INSYN2B: variants seen among roughly 807,000 people sequenced by gnomAD.
INSYN2B encodes the protein protein INSYN2B.
In INSYN2B, 16 loss-of-function variants were observed where a neutral mutation model predicts 41.2. That is an observed-to-expected ratio of 0.39 (90% CI 0.26 to 0.59). INSYN2B has a LOEUF of 0.59. Among genes scored for constraint, INSYN2B ranks in the 20% least tolerant of loss-of-function variants. The pLI is 0.57. For synonymous variants in INSYN2B, 245 were observed against 244.4 expected (o/e 1.00, Z -0.02); for missense variants, 608 against 646.4 (o/e 0.94, Z 0.64).
intron 1 of INSYN2B, among the ~76,000 whole-genome samples, chr5:169,969,350 CA>C (rs1339803307): frequency 6.6e-6 from 1 of 151,984 alleles, no homozygotes; most frequent in Non-Finnish European, 1.5e-5. Flanking sequence ...GAGGCTGAGG[CA>C]GGAGATTCAC....
In INSYN2B at chr5:169,903,075, C is replaced by T. The variant is rs1448535310; in HGVS notation, c.-918-18259G>A. Reference sequence around the variant, plus strand: ...ATCACGCCACTGTACTCCAGCCTGGCGACAGAGCAAGACTCCATCTCAAAA... The same window carrying T: ...ATCACGCCACTGTACTCCAGCCTGGTGACAGAGCAAGACTCCATCTCAAAA... On this transcript the variant is annotated intron_variant, in intron 1 of 3. Coordinates refer to ENST00000377365, the MANE Select transcript of INSYN2B (RefSeq NM_001129891.3). 4.0e-5 allele frequency among the ~76,000 whole-genome samples: 6 copies of T among 150,334 alleles called. No individual in the cohort carries two copies. The East Asian group carries it at 9.8e-4, about 25-fold the overall frequency.
chr5:169,885,410 G>C (rs191360529), intron 1 of INSYN2B, among the ~76,000 whole-genome samples: 16 of 152,278 alleles, frequency 1.1e-4, no homozygotes, highest in Non-Finnish European at 2.9e-5. Flanking sequence ...GAGAGCCTGG[G>C]CATGAAGAGG....
chr5:169,865,928 CTGCAAAGGCATGTTGCCGTTGCCA>C (rs1255162560), intron 3 of INSYN2B, among the ~76,000 whole-genome samples: 1 of 152,260 alleles, frequency 6.6e-6, no homozygotes, highest in Non-Finnish European at 1.5e-5. Flanking sequence ...GTTCATGCTG[CTGCAAAGGCATGTTGCCGTTGCCA>C]TGCATGACGA....
At chr5:169,903,854 C>T (rs1774108093) in intron 1 of INSYN2B, among the ~76,000 whole-genome samples, 1 of 151,930 alleles carries the variant, frequency 6.6e-6, no homozygotes. Context: ...AATCCCAGCA[C>T]TTTGGGAGGC....
At chr5:169,927,638 A>G (rs1218348576) in intron 1 of INSYN2B, among the ~76,000 whole-genome samples, 2 of 152,208 alleles carry the variant, frequency 1.3e-5, no homozygotes, top group Admixed American at 6.5e-5. Context: ...GTTTTTTGAG[A>G]CGGAGTCTCG....
intron 3 of INSYN2B, among the ~76,000 whole-genome samples, chr5:169,867,338 CA>C (rs904603405): frequency 6.6e-6 from 1 of 152,094 alleles, no homozygotes; most frequent in African/African-American, 2.4e-5. Context: ...CTAACTCACC[CA>C]ACGTGATAAC....
intron 1 of INSYN2B, among the ~76,000 whole-genome samples, chr5:169,891,893 G>T (rs1224257268): frequency 1.3e-5 from 2 of 151,572 alleles, no homozygotes; most frequent in Non-Finnish European, 2.9e-5. Flanking sequence ...TACTTGGCAG[G>T]CTGAGGCAAA....
At chr5:169,886,882 A>T (rs1042961897) in intron 1 of INSYN2B, among the ~76,000 whole-genome samples, 1 of 152,206 alleles carries the variant, frequency 6.6e-6, no homozygotes, top group African/African-American at 2.4e-5. Context: ...CATAAGAGCT[A>T]ATGTCTAGTG....
intron 1 of INSYN2B, among the ~76,000 whole-genome samples, chr5:169,906,819 T>C (rs1034689866): frequency 7.9e-5 from 12 of 152,290 alleles, no homozygotes; most frequent in African/African-American, 2.2e-4. Context: ...GGAAAGTCTA[T>C]AGGGAAATTA....
At chr5:169,890,109 G>C (rs1773197915) in intron 1 of INSYN2B, among the ~76,000 whole-genome samples, 1 of 152,262 alleles carries the variant, frequency 6.6e-6, no homozygotes, top group South Asian at 2.1e-4. Flanking sequence ...CTAAGTCACA[G>C]AGGTAGACTG....
chr5:169,976,185 A>G (rs565963439), intron 1 of INSYN2B, among the ~76,000 whole-genome samples: 1 of 152,382 alleles, frequency 6.6e-6, no homozygotes, highest in South Asian at 2.1e-4. Context: ...ACCTTCTGAC[A>G]AAGAACAATG....
chr5:169,962,019 A>G (rs1253645382), intron 1 of INSYN2B, among the ~76,000 whole-genome samples: 1 of 151,312 alleles, frequency 6.6e-6, no homozygotes, highest in African/African-American at 2.4e-5. Context: ...TAGAGGCCAG[A>G]ACTTACTAGA....
intron 1 of INSYN2B, among the ~76,000 whole-genome samples, chr5:169,959,711 G>C (rs1181865796): frequency 6.6e-6 from 1 of 152,140 alleles, no homozygotes; most frequent in Non-Finnish European, 1.5e-5. Context: ...ACTTGGCCTT[G>C]ACTAGATATT....
At chr5:169,892,814 G>C (rs1773374183) in intron 1 of INSYN2B, among the ~76,000 whole-genome samples, 1 of 152,202 alleles carries the variant, frequency 6.6e-6, no homozygotes, top group African/African-American at 2.4e-5. Context: ...AGACATGAAA[G>C]GTTACAAATC....
At chr5:169,928,136 C>T (rs1775565351) in intron 1 of INSYN2B, among the ~76,000 whole-genome samples, 2 of 152,190 alleles carry the variant, frequency 1.3e-5, no homozygotes. Flanking sequence ...CCAGCCAAAC[C>T]CTTCCCCCTG....
intron 1 of INSYN2B, among the ~76,000 whole-genome samples, chr5:169,899,250 C>T (rs1051442923): frequency 1.8e-4 from 27 of 152,270 alleles, no homozygotes; most frequent in African/African-American, 4.8e-4. Flanking sequence ...GCCTTCAGCA[C>T]GCCCAGACAG....
At position 169,882,810 on chromosome 5, in the gene INSYN2B, G is replaced by C. The variant is rs115307165; in HGVS notation, c.1089C>G (p.Thr363=). The change falls in exon 2 of 4, where the codon ACC becomes ACG. Residue 363 remains threonine, a synonymous_variant. Coordinates refer to ENST00000377365, the MANE Select transcript of INSYN2B (RefSeq NM_001129891.3). Reference sequence around the variant, plus strand: ...TTGGAAACTCCAGTGTGTCTGACTCGGTGGGGTTGTTTGCCGTCTGCTCCT... The same window carrying C: ...TTGGAAACTCCAGTGTGTCTGACTCCGTGGGGTTGTTTGCCGTCTGCTCCT... ...GCQEQTANNP[T]ESDTLEFPNC... 1 of 1,551,370 alleles carries C rather than the reference G, an allele frequency of 6.4e-7. No homozygotes were observed. The highest frequency in any genetic ancestry group is 2.4e-5 in the East Asian group (1 of 40,898).
chr5:169,883,206 G>A lies in INSYN2B; in HGVS notation c.693C>T (p.Asn231=). 1 of 1,551,642 alleles carries A rather than the reference G, an allele frequency of 6.4e-7. No homozygotes were observed. Among genetic ancestry groups the A allele is most frequent in the Non-Finnish European group, 8.7e-7 (1 of 1,146,950 alleles). ...GTGTGTCATCCAAAGGGTGTATGGA[G>A]TTACTTACTTCAGCTGACCTGTCTG... ...LSPDRSAEVS[N]SIHPLDDTRP... is the part of the protein sequence containing the mutation. The change falls in exon 2 of 4, where the codon AAC becomes AAT. Residue 231 remains asparagine (N), a synonymous_variant. Coordinates refer to ENST00000377365, the MANE Select transcript of INSYN2B (RefSeq NM_001129891.3).
chr5:169,865,559 G>A (rs1179090114), intron 3 of INSYN2B, among the ~76,000 whole-genome samples: 2 of 152,184 alleles, frequency 1.3e-5, no homozygotes, highest in East Asian at 3.8e-4. Flanking sequence ...TCCATGAGGA[G>A]GATTTACTTA....
Sources: allele counts gnomAD v4.1 joint callset (sites outside exome capture counted in the v4.1 genomes callset), GRCh38; gene constraint gnomAD v4.1.1; transcripts MANE v1.5; gene names NCBI Gene and HGNC (gene_info 2026-07-23, HGNC 2026-07-21).